Variants in NAV1 observed in about 807,000 individuals in gnomAD.
NAV1 encodes neuron navigator 1, also known as pore membrane and/or filament interacting like protein 3.
NAV1 carries 18 observed loss-of-function variants against 175.2 expected under a neutral mutation model. That is an observed-to-expected ratio of 0.10 (90% CI 0.07 to 0.15). The LOEUF (loss-of-function observed/expected upper bound fraction) is 0.15. Ranked by LOEUF, NAV1 falls within the 10% of genes least tolerant of loss-of-function variation. The pLI is 1.00. For missense variants in NAV1, 1,731 were observed against 2,436.6 expected, an observed-to-expected ratio of 0.71 and a Z score of 6.10; for synonymous variants, 897 against 978.7, an observed-to-expected ratio of 0.92 and a Z score of 1.56.
At chr1:201,648,842 G>A in exon 1 of NAV1, 4 of 1,609,292 alleles carry the variant, frequency 2.5e-6, no homozygotes, top group East Asian at 2.2e-5. Flanking sequence ...GCATGGCCAA[G>A]GCCAGCGCGG....
At chr1:201,783,449 C>G (rs1676471567) in exon 7 of NAV1, 1 of 1,614,064 alleles carries the variant, frequency 6.2e-7, no homozygotes, top group African/African-American at 1.3e-5. Context: ...ACTAGCCAAT[C>G]TTGACAAGGT....
exon 7 of NAV1, chr1:201,783,845 C>A (rs1422407109): frequency 6.2e-7 from 1 of 1,609,630 alleles, no homozygotes; most frequent in Non-Finnish European, 8.5e-7. Flanking sequence ...AGCTGGGCAA[C>A]TGGACAGGTA....
At chr1:201,670,584 T>C (rs1670003868) in intron 1 of NAV1, among the ~76,000 whole-genome samples, 1 of 110,324 alleles carries the variant, frequency 9.1e-6, no homozygotes, top group Non-Finnish European at 2.0e-5. Context: ...GATGGTTTGA[T>C]GATAGAGATG....
chr1:201,568,791 C>G lies in NAV1; in HGVS notation c.-143-19748C>G, dbSNP rs374552778. Among the ~76,000 whole-genome samples the G allele has an allele frequency of 4.6e-5, 7 of 152,298 alleles. No individual in the cohort carries two copies. The East Asian group carries it at 1.4e-3, about 29-fold the overall frequency. Reference sequence around the variant, plus strand: ...AGAGGGCTCCATTGCAAGGGTCTCTCGGTCTTCAGGCTGCTCACCGACTCC... The same window carrying G: ...AGAGGGCTCCATTGCAAGGGTCTCTGGGTCTTCAGGCTGCTCACCGACTCC... On this transcript the variant is annotated intron_variant, in intron 1 of 33. Coordinates refer to the NAV1 transcript ENST00000685211.
chr1:201,655,938 T>C (rs1255276317), intron 1 of NAV1, among the ~76,000 whole-genome samples: 1 of 152,158 alleles, frequency 6.6e-6, no homozygotes, highest in Non-Finnish European at 1.5e-5. Flanking sequence ...TGAGGACCCA[T>C]TGGGAGTTTC....
chr1:201,784,450 A>G (rs893438424), intron 7 of NAV1, among the ~76,000 whole-genome samples: 27 of 152,060 alleles, frequency 1.8e-4, no homozygotes, highest in African/African-American at 5.8e-4. Context: ...GAGCCACCAC[A>G]CCTGGCTGCC....
At chr1:201,593,503 G>A (rs1667265338) in intron 2 of NAV1, among the ~76,000 whole-genome samples, 1 of 152,264 alleles carries the variant, frequency 6.6e-6, no homozygotes, top group African/African-American at 2.4e-5. Flanking sequence ...TTAGACGACA[G>A]ATGAGTCAGA....
chr1:201,693,308 C>T (rs1388796340), intron 1 of NAV1, among the ~76,000 whole-genome samples: 1 of 152,128 alleles, frequency 6.6e-6, no homozygotes, highest in Non-Finnish European at 1.5e-5. Flanking sequence ...CAGCAGGGAC[C>T]CTAAGGAAGG....
intron 1 of NAV1, among the ~76,000 whole-genome samples, chr1:201,691,613 C>G (rs1288462686): frequency 6.6e-6 from 1 of 152,184 alleles, no homozygotes; most frequent in African/African-American, 2.4e-5. Context: ...ACAGGTGTCT[C>G]TAGGGAATCA....
intron 1 of NAV1, among the ~76,000 whole-genome samples, chr1:201,684,593 G>A (rs1010448052): frequency 6.7e-6 from 1 of 149,244 alleles, no homozygotes; most frequent in Non-Finnish European, 1.5e-5. Flanking sequence ...TCCTGCCTCA[G>A]CCTCCTGAGT....
At chr1:201,708,164 C>T (rs1246951180) in intron 1 of NAV1, among the ~76,000 whole-genome samples, 1 of 152,124 alleles carries the variant, frequency 6.6e-6, no homozygotes, top group Non-Finnish European at 1.5e-5. Context: ...AAAGAAACAC[C>T]ATCCTACTCT....
chr1:201,824,965 A>T (rs905032589), exon 30 of NAV1: 3 of 152,232 alleles, frequency 2.0e-5, no homozygotes, highest in Non-Finnish European at 4.4e-5. Context: ...AAAGCCCTTT[A>T]TAGTATTGGA....
intron 16 of NAV1, chr1:201,804,041 A>C (rs1678116732): frequency 5.9e-6 from 3 of 506,378 alleles, no homozygotes; most frequent in Non-Finnish European, 7.7e-6. Context: ...TGTCCCCACC[A>C]CCCCCCATTC....
intron 1 of NAV1, among the ~76,000 whole-genome samples, chr1:201,671,554 C>G (rs1011705973): frequency 9.2e-5 from 14 of 152,342 alleles, no homozygotes; most frequent in African/African-American, 3.1e-4. Context: ...TTGCTCATCT[C>G]TCCTAAATAG....
At chr1:201,621,579 G>A (rs1187095132), upstream of NAV1, among the ~76,000 whole-genome samples, 2 of 151,196 alleles carry the variant, frequency 1.3e-5, no homozygotes, top group East Asian at 4.0e-4. Context: ...TGATCCACCT[G>A]CCTCAGCCTC....
chr1:201,641,303 C>G (rs1046455919), intron 2 of NAV1, among the ~76,000 whole-genome samples: 9 of 152,198 alleles, frequency 5.9e-5, no homozygotes, highest in Non-Finnish European at 1.3e-4. Flanking sequence ...TCCAAGCCAC[C>G]ATCATCTCTC....
In NAV1 at chr1:201,667,927, C is replaced by T. The variant is rs910248382; in HGVS notation, c.757+18502C>T. Among the ~76,000 whole-genome samples, 5 of 152,202 alleles carry T rather than the reference C, an allele frequency of 3.3e-5. No homozygotes were observed. The South Asian group carries it at 1.0e-3, about 32-fold the overall frequency. On this transcript the variant is annotated intron_variant, in intron 1 of 29. Coordinates refer to ENST00000367296, the Ensembl canonical transcript of NAV1. ...AGACCTTGATGTTCCAGGGTGGAGGCCCTCACCACGCATCTGATGGGCCAG... is the reference window on the plus strand; with the variant it reads ...AGACCTTGATGTTCCAGGGTGGAGGTCCTCACCACGCATCTGATGGGCCAG...
At chr1:201,604,575 G>C (rs758650798) in intron 2 of NAV1, among the ~76,000 whole-genome samples, 1 of 151,842 alleles carries the variant, frequency 6.6e-6, no homozygotes, top group Non-Finnish European at 1.5e-5. Flanking sequence ...CCAGCTACTC[G>C]GGAGGCTGAG....
In NAV1 at chr1:201,756,876, CTTTCT is replaced by C. The variant is rs1558131890; in HGVS notation, c.1227-23542_1227-23538del. 6.2e-4 allele frequency among the ~76,000 whole-genome samples: 68 copies of C among 109,408 alleles called. 1 individual carries two copies. The highest frequency in any genetic ancestry group is 2.5e-3 in the African/African-American group (66 of 25,890). The allele number at this position is 109,408 out of a possible 152,430, so 71.8% of individuals were successfully genotyped here. On this transcript the variant is annotated intron_variant, in intron 3 of 29. Transcript: ENST00000367296. ...TCTTTCTTTCTTTCTTTCTTTCTTTCTTTCTTTCTCTGTCTTTCTCCCCACTACTT... is the reference window on the plus strand; with the variant it reads ...TCTTTCTTTCTTTCTTTCTTTCTTTCTTCTCTGTCTTTCTCCCCACTACTT...
Sources: allele counts gnomAD v4.1 joint callset (sites outside exome capture counted in the v4.1 genomes callset), GRCh38; gene constraint gnomAD v4.1.1; transcripts MANE v1.5; gene names NCBI Gene and HGNC (gene_info 2026-07-23, HGNC 2026-07-21).